Variants in RIMBP2 observed in about 807,000 individuals in gnomAD.
The protein encoded by RIMBP2 is RIMS binding protein 2.
Under a neutral mutation model 118.6 loss-of-function variants are expected in RIMBP2, and 48 were observed. The observed-to-expected ratio is 0.40, with a 90% confidence interval of 0.32 to 0.51. The LOEUF (loss-of-function observed/expected upper bound fraction) is 0.51. RIMBP2 is among the 20% of genes least tolerant of loss of function. The pLI is 0.41. For synonymous variants in RIMBP2, 762 were observed against 742.9 expected (o/e 1.03, Z -0.42); for missense variants, 1,551 against 1,768.3 (o/e 0.88, Z 2.20).
rs2137043097 is a variant in RIMBP2, at chr12:130,437,204, G to A, written c.1744C>T (p.Arg582Trp). Residue 582 changes from arginine (R) to tryptophan (W), a missense_variant, in exon 13 of 23, where the codon CGG becomes TGG. Around this residue, in one of 5 missense-constraint regions of RIMBP2, gnomAD observed 1,038 missense variants for 1,125.1 expected, o/e 0.92. Coordinates refer to ENST00000690449, the MANE Select transcript of RIMBP2 (RefSeq NM_001393629.1). ...RSLEAKGVTV[R>W]TLSAQGESVD... Reference sequence around the variant, plus strand: ...GACTCGCCCTGGGCGGAGAGGGTCCGCACGGTCACGCCCTTGGCCTCCAGG... The same window carrying A: ...GACTCGCCCTGGGCGGAGAGGGTCCACACGGTCACGCCCTTGGCCTCCAGG... 2 of 1,583,752 alleles carry A rather than the reference G, an allele frequency of 1.3e-6. No individual in the cohort carries two copies. Among genetic ancestry groups the A allele is most frequent in the Non-Finnish European group, 8.6e-7 (1 of 1,168,624 alleles).
chr12:130,664,443 A>ACGTGCATG (rs1443250789), intron 1 of RIMBP2, among the ~76,000 whole-genome samples: 1 of 64,616 alleles, frequency 1.5e-5, no homozygotes, highest in African/African-American at 4.6e-5. Flanking sequence ...ATGCACGCAC[A>ACGTGCATG]CACGCACACA....
intron 1 of RIMBP2, among the ~76,000 whole-genome samples, chr12:130,669,612 T>C (rs912586086): frequency 2.6e-5 from 4 of 152,178 alleles, no homozygotes; most frequent in African/African-American, 7.2e-5. Context: ...TCCGCCATGG[T>C]TGTAAGTTTC....
chr12:130,488,753 G>A (rs1365561679), intron 4 of RIMBP2, among the ~76,000 whole-genome samples: 2 of 152,150 alleles, frequency 1.3e-5, no homozygotes, highest in Non-Finnish European at 2.9e-5. Flanking sequence ...GGGAGGATGA[G>A]AGATGGGTCA....
intron 1 of RIMBP2, among the ~76,000 whole-genome samples, chr12:130,661,514 A>AC (rs2063662403): frequency 6.6e-6 from 1 of 151,984 alleles, no homozygotes; most frequent in Non-Finnish European, 1.5e-5. Flanking sequence ...TGGTCATATG[A>AC]CCCCTTTGCA....
At chr12:130,699,892 G>C (rs1023392573) in intron 1 of RIMBP2, among the ~76,000 whole-genome samples, 1 of 122,986 alleles carries the variant, frequency 8.1e-6, no homozygotes, top group Non-Finnish European at 1.7e-5. Context: ...GTGATGGTGT[G>C]AGACTCTGTC....
At position 130,579,317 on chromosome 12, in the gene RIMBP2, G is replaced by A. The variant is rs192092203; in HGVS notation, c.-217+49005C>T. 2.5e-4 allele frequency among the ~76,000 whole-genome samples: 38 copies of A among 152,280 alleles called. 1 individual carries two copies. The South Asian group carries it at 4.1e-3, about 17-fold the overall frequency. ...TTCCTTATGAGAGCCTGGAATTTTG[G>A]TACATGCTGGGCAGAGGGTGCCGAC... On this transcript the variant is annotated intron_variant, in intron 2 of 22. Coordinates refer to ENST00000690449, the MANE Select transcript of RIMBP2 (RefSeq NM_001393629.1).
intron 4 of RIMBP2, among the ~76,000 whole-genome samples, chr12:130,506,221 CCT>C (rs1566163143): frequency 6.6e-6 from 1 of 151,984 alleles, no homozygotes; most frequent in African/African-American, 2.4e-5. Context: ...ACCTGTACCC[CCT>C]GATAGAGCAA....
intron 1 of RIMBP2, among the ~76,000 whole-genome samples, chr12:130,676,383 C>T (rs977814442): frequency 4.7e-5 from 7 of 150,322 alleles, no homozygotes; most frequent in African/African-American, 1.5e-4. Context: ...CCAGCACTTT[C>T]GGAGGCCAAG....
intron 14 of RIMBP2, 144 bp from the exon 15 acceptor site, chr12:130,428,481 C>T: frequency 3.9e-6 from 3 of 771,484 alleles, no homozygotes; most frequent in Admixed American, 3.1e-5. Context: ...GTGTGTTACT[C>T]GTTCTGGAAA....
chr12:130,610,013 C>T (rs2060414876), intron 2 of RIMBP2, among the ~76,000 whole-genome samples: 1 of 152,224 alleles, frequency 6.6e-6, no homozygotes, highest in Non-Finnish European at 1.5e-5. Flanking sequence ...AACGCCCTCA[C>T]AGGCACCCCA....
At chr12:130,445,617 C>T (rs1046241616) in intron 9 of RIMBP2, among the ~76,000 whole-genome samples, 2 of 152,206 alleles carry the variant, frequency 1.3e-5, no homozygotes, top group Non-Finnish European at 2.9e-5. Flanking sequence ...AAAATTAACC[C>T]TATAATCTTT....
At chr12:130,423,458 A>G (rs142200416) in intron 16 of RIMBP2, among the ~76,000 whole-genome samples, 52 of 152,342 alleles carry the variant, frequency 3.4e-4, no homozygotes, top group African/African-American at 1.1e-3. Flanking sequence ...AAAGGTCAGC[A>G]TGACAGGAGC....
chr12:130,677,426 G>A (rs1026606839), intron 1 of RIMBP2, among the ~76,000 whole-genome samples: 2 of 152,054 alleles, frequency 1.3e-5, no homozygotes, highest in African/African-American at 2.4e-5. Flanking sequence ...TCAGGAGTTC[G>A]AGACCAGCCT....
In RIMBP2 at chr12:130,576,976, G is replaced by T. The variant is rs1014775226; in HGVS notation, c.-217+51346C>A. 7.9e-5 allele frequency among the ~76,000 whole-genome samples: 12 copies of T among 152,190 alleles called. No homozygotes were observed. Among genetic ancestry groups the T allele is most frequent in the Non-Finnish European group, 1.6e-4 (11 of 68,038 alleles). On this transcript the variant is annotated intron_variant, in intron 2 of 22. Coordinates refer to ENST00000690449, the MANE Select transcript of RIMBP2 (RefSeq NM_001393629.1). The surrounding 1 kb of genome is among the most constrained non-coding windows in gnomAD (Gnocchi z 4.2). ...GGGGATGGCCCAGACCTTCACAGAG[G>T]AGACAAAATGTCCCGGCTGCAGCCT... is the stretch of plus-strand genomic sequence containing the variant.
At chr12:130,705,068 G>T (rs1333703260) in intron 1 of RIMBP2, among the ~76,000 whole-genome samples, 1 of 152,198 alleles carries the variant, frequency 6.6e-6, no homozygotes, top group African/African-American at 2.4e-5. Flanking sequence ...CCAAAGCTGC[G>T]TGAGGATCCC....
At chr12:130,439,644 T>G in intron 11 of RIMBP2, among the ~76,000 whole-genome samples, 1 of 51,020 alleles carries the variant, frequency 2.0e-5, no homozygotes, top group South Asian at 1.8e-3. Flanking sequence ...TGTGGGTGTG[T>G]GTGGGGGGGA....
chr12:130,627,957 A>G (rs1464240866), intron 2 of RIMBP2, among the ~76,000 whole-genome samples: 1 of 152,190 alleles, frequency 6.6e-6, no homozygotes, highest in Non-Finnish European at 1.5e-5. Flanking sequence ...ACCTAAAATC[A>G]ATCACTACTC....
intron 9 of RIMBP2, among the ~76,000 whole-genome samples, chr12:130,448,611 G>A (rs769239281): frequency 2.0e-5 from 3 of 152,258 alleles, no homozygotes; most frequent in Non-Finnish European, 4.4e-5. Flanking sequence ...AAGGAGCCAG[G>A]GGTAGGACTG....
chr12:130,524,532 G>A lies in RIMBP2; in HGVS notation c.-216-6615C>T, dbSNP rs1033098076. On this transcript the variant is annotated intron_variant, in intron 2 of 22. Transcript: ENST00000690449. ...AGGCACTGGGGGTAGCAGACGTGAA[G>A]AGGCAAGAAGGGTTGGGTGGCGAGG... is the stretch of plus-strand genomic sequence containing the variant. 7.2e-5 allele frequency among the ~76,000 whole-genome samples: 11 copies of A among 152,240 alleles called. No individual in the cohort carries two copies. The East Asian group carries it at 1.7e-3, about 24-fold the overall frequency.
Sources: allele counts gnomAD v4.1 joint callset (sites outside exome capture counted in the v4.1 genomes callset), GRCh38; gene constraint gnomAD v4.1.1; regional missense constraint gnomAD v4.1.1; non-coding constraint Gnocchi (gnomAD v3.1); transcripts MANE v1.5; gene names NCBI Gene and HGNC (gene_info 2026-07-23, HGNC 2026-07-21).